The following HOATZ variants were observed in gnomAD, a reference collection of about 807,000 sequenced individuals.
The protein encoded by HOATZ is cilia- and flagella-associated protein HOATZ.
Under a neutral mutation model 24.9 loss-of-function variants are expected in HOATZ, and 26 were observed. The observed-to-expected ratio is 1.04, with a 90% CI of 0.76 to 1.45. HOATZ has a LOEUF of 1.45. Among genes scored for constraint, HOATZ ranks in the 40% most tolerant of loss-of-function variants. The pLI is 0.00. For missense variants in HOATZ, 226 were observed against 201.5 expected (o/e 1.12, Z -0.74); for synonymous variants, 83 against 76.6 (o/e 1.08, Z -0.43).
chr11:111,533,918 C>A, intron 4 of HOATZ, 113 bp downstream of exon 4: 6 of 683,828 alleles, frequency 8.8e-6, no homozygotes, highest in South Asian at 8.1e-5. Context: ...TAGTCCAGAG[C>A]CATTGATATA....
rs1867272946 is a variant in HOATZ at position 111,521,945 on chromosome 11, T to G, written c.339+5835T>G. Among the ~76,000 whole-genome samples the G allele has an allele frequency of 3.9e-5, 6 of 152,234 alleles. No individual in the cohort carries two copies. The South Asian group carries it at 1.2e-3, about 32-fold the overall frequency. On this transcript the variant is annotated intron_variant, in intron 3 of 5. Coordinates refer to ENST00000375618, the MANE Select transcript of HOATZ (RefSeq NM_001100388.2). Reference sequence around the variant, plus strand: ...GGAATGAGATTTGGGATCAAATAGCTGAATTTGGCTACTCTGGGCACACTG... The same window carrying G: ...GGAATGAGATTTGGGATCAAATAGCGGAATTTGGCTACTCTGGGCACACTG...
intron 3 of HOATZ, among the ~76,000 whole-genome samples, chr11:111,522,354 G>A (rs564472688): frequency 6.6e-6 from 1 of 152,296 alleles, no homozygotes; most frequent in South Asian, 2.1e-4. Flanking sequence ...TTTATAAGCA[G>A]CAGGGCAAAT....
In HOATZ at chr11:111,514,922, G is replaced by T; in HGVS notation, c.138G>T (p.Met46Ile). The stretch of plus-strand genomic sequence containing the variant: ...AGCAGTTCTGGATCTCGGCGTCGAT[G>T]TATCCCCCTAGCGAATCTCAGCTGG... ...LAKQFWISAS[M>I]YPPSESQLVL... The change falls in exon 1 of 6, where the codon ATG becomes ATT. Residue 46 changes from methionine (M) to isoleucine (I), a missense_variant. Physicochemically the swap from Met to Ile is conservative, Grantham distance 10. Transcript: ENST00000375618. 1 of 1,614,080 alleles carries T rather than the reference G, an allele frequency of 6.2e-7. No individual in the cohort carries two copies. Among genetic ancestry groups the T allele is most frequent in the Non-Finnish European group, 8.5e-7 (1 of 1,180,022 alleles).
At chr11:111,517,704 C>A (rs1001384685) in intron 3 of HOATZ, among the ~76,000 whole-genome samples, 1 of 152,108 alleles carries the variant, frequency 6.6e-6, no homozygotes. Flanking sequence ...GCACATAATA[C>A]TATGAGAACA....
intron 3 of HOATZ, among the ~76,000 whole-genome samples, chr11:111,532,597 G>C (rs80324745): frequency 0.011 from 1,664 of 152,310 alleles, 37 homozygotes; most frequent in African/African-American, 0.037. Flanking sequence ...AAACCCTATA[G>C]GTTTCAGAGG....
At chr11:111,527,041 T>C (rs565065155) in intron 3 of HOATZ, among the ~76,000 whole-genome samples, 2 of 152,356 alleles carry the variant, frequency 1.3e-5, no homozygotes, top group South Asian at 4.1e-4. Flanking sequence ...TTTATGCTCA[T>C]ATTTTCTCAA....
At chr11:111,518,907 C>A (rs1277261997) in intron 3 of HOATZ, 3 of 403,602 alleles carry the variant, frequency 7.4e-6, no homozygotes, top group Non-Finnish European at 1.5e-5. Flanking sequence ...TAGATCTCTT[C>A]TCTGTGCTCC....
intron 1 of HOATZ, 147 bp downstream of exon 1, chr11:111,515,157 C>T: frequency 1.6e-6 from 1 of 631,748 alleles, no homozygotes; most frequent in Non-Finnish European, 2.8e-6. Context: ...TTTCCTGAAC[C>T]CTTCCAGCAA....
chr11:111,524,872 T>C (rs1591556445), intron 3 of HOATZ: 1 of 417,124 alleles, frequency 2.4e-6, no homozygotes, highest in Non-Finnish European at 4.8e-6. Context: ...TTTTCTTTTC[T>C]TTTTTTTTAG....
At chr11:111,524,490 G>A (rs1867310926) in intron 3 of HOATZ, among the ~76,000 whole-genome samples, 1 of 152,194 alleles carries the variant, frequency 6.6e-6, no homozygotes, top group East Asian at 1.9e-4. Flanking sequence ...AGAGAATCTG[G>A]AATGCTAGAC....
chr11:111,533,824 C>A lies in HOATZ; in HGVS notation c.399+19C>A, dbSNP rs1262010350. On this transcript the variant is annotated intron_variant, in intron 4 of 5. Coordinates refer to ENST00000375618, the MANE Select transcript of HOATZ (RefSeq NM_001100388.2). ...GATCTCGGTGAGACCAATAGTGAGG[C>A]ATTTGGATAATCTATCTGAGTGGAT... 2.6e-6 allele frequency: 4 copies of A among 1,532,504 alleles called. No individual in the cohort carries two copies. The highest frequency in any genetic ancestry group is 1.7e-4 in the Middle Eastern group (1 of 5,736). The allele number at this position is 1,532,504 out of a possible 1,614,324, so 94.9% of individuals were successfully genotyped here.
intron 3 of HOATZ, among the ~76,000 whole-genome samples, chr11:111,517,789 A>G (rs1454695408): frequency 2.6e-5 from 4 of 152,242 alleles, no homozygotes; most frequent in African/African-American, 9.6e-5. Flanking sequence ...AAGGATTTAT[A>G]GTTTGTTAGA....
chr11:111,519,758 T>C (rs1867248841), intron 3 of HOATZ, among the ~76,000 whole-genome samples: 2 of 152,238 alleles, frequency 1.3e-5, no homozygotes, highest in African/African-American at 2.4e-5. Flanking sequence ...AAATTCCAGG[T>C]ATAATTTTCA....
chr11:111,517,374 A>C lies in HOATZ; in HGVS notation c.339+1264A>C, dbSNP rs567204403. 5.9e-5 allele frequency among the ~76,000 whole-genome samples: 9 copies of C among 152,346 alleles called. No homozygotes were observed. In the East Asian group the frequency reaches 1.5e-3, roughly 26 times the overall value. Reference sequence around the variant, plus strand: ...AGGAAAGGATTAGAAATAAAAGGTTAAAGACAAACTATTATAAATTTCTAT... The same window carrying C: ...AGGAAAGGATTAGAAATAAAAGGTTCAAGACAAACTATTATAAATTTCTAT... On this transcript the variant is annotated intron_variant, in intron 3 of 5. Coordinates refer to ENST00000375618, the MANE Select transcript of HOATZ (RefSeq NM_001100388.2).
intron 1 of HOATZ, 26 bp from the exon 2 acceptor site, chr11:111,515,485 C>A (rs1316849275): frequency 1.8e-5 from 29 of 1,603,902 alleles, no homozygotes; most frequent in Non-Finnish European, 2.2e-5. Flanking sequence ...CCAATGATTT[C>A]TTTACTTCCC....
At position 111,536,761 on chromosome 11, in the gene HOATZ, T is replaced by C. The variant is rs1489935102; in HGVS notation, c.453-9T>C. On this transcript the variant is annotated splice_polypyrimidine_tract_variant and intron_variant, in intron 5 of 5. Transcript: ENST00000375618. ...GTGTATTGGAACTGACTGATATTAC[T>C]ACCAACAGGAAAGTGGTATCAGAGT... 4 of 1,610,368 alleles carry C rather than the reference T, an allele frequency of 2.5e-6. No homozygotes were observed. Among genetic ancestry groups the C allele is most frequent in the Admixed American group, 3.3e-5 (2 of 60,026 alleles).
chr11:111,530,873 T>G (rs1266874442), intron 3 of HOATZ, among the ~76,000 whole-genome samples: 1 of 152,190 alleles, frequency 6.6e-6, no homozygotes, highest in Non-Finnish European at 1.5e-5. Flanking sequence ...ATGACACAAT[T>G]GTTTACACTA....
Position 111,514,817 on chromosome 11 carries a change from C to G in HOATZ, c.33C>G (p.Gly11=). ...CGGGACCCAGCGAAGAACCTAGCGGCCGAAAAGAGTCCCAGGAAATGTGCC... is the reference window on the plus strand; with the variant it reads ...CGGGACCCAGCGAAGAACCTAGCGGGCGAAAAGAGTCCCAGGAAATGTGCC... METGPSEEPS[G]RKESQEMCPP... The change falls in exon 1 of 6, where the codon GGC becomes GGG. Residue 11 remains glycine (G), a synonymous_variant. Transcript: ENST00000375618. 1 of 1,613,970 alleles carries G rather than the reference C, an allele frequency of 6.2e-7. No individual in the cohort carries two copies. The highest frequency in any genetic ancestry group is 8.5e-7 in the Non-Finnish European group (1 of 1,179,982).
chr11:111,522,720 T>C (rs527305270), intron 3 of HOATZ, among the ~76,000 whole-genome samples: 1 of 152,166 alleles, frequency 6.6e-6, no homozygotes, highest in Non-Finnish European at 1.5e-5. Flanking sequence ...AATTCATGGA[T>C]TCCTTATGTG....
Sources: gnomAD v4.1 joint callset for allele counts (sites outside exome capture counted in the v4.1 genomes callset) on GRCh38, gnomAD v4.1.1 for gene constraint, MANE v1.5 for transcripts, NCBI Gene and HGNC (gene_info 2026-07-23, HGNC 2026-07-21) for gene names.